TTLL6: variants seen among roughly 807,000 people sequenced by gnomAD.
TTLL6 encodes tubulin tyrosine ligase like 6.
TTLL6 carries 75 observed loss-of-function variants against 96.4 expected under a neutral mutation model. The observed-to-expected ratio is 0.78, with a 90% confidence interval of 0.65 to 0.94. TTLL6 has a LOEUF of 0.94. Among genes scored for constraint, TTLL6 ranks in the 40% least tolerant of loss-of-function variants. TTLL6 has a pLI of 0.00. For synonymous variants in TTLL6, 411 were observed against 419.4 expected, an observed-to-expected ratio of 0.98 and a Z score of 0.24; for missense variants, 1,030 against 1,093.0, an observed-to-expected ratio of 0.94 and a Z score of 0.81.
intron 7 of TTLL6, among the ~76,000 whole-genome samples, chr17:48,796,732 C>T (rs1173129113): frequency 6.6e-6 from 1 of 152,088 alleles, no homozygotes; most frequent in East Asian, 1.9e-4. Flanking sequence ...GGTTGCTCAT[C>T]CACGGCCTTT....
intron 12 of TTLL6, 84 bp from the exon 13 acceptor site, chr17:48,785,285 G>A (rs2039068813): frequency 1.3e-6 from 2 of 1,574,966 alleles, no homozygotes; most frequent in African/African-American, 1.4e-5. Flanking sequence ...AGGGGTAGGT[G>A]AAAAAGAGAT....
At chr17:48,799,562 G>T (rs1409607860) in intron 6 of TTLL6, 42 bp downstream of exon 6, 1 of 1,538,152 alleles carries the variant, frequency 6.5e-7, no homozygotes, top group South Asian at 1.2e-5. Context: ...AAAGTCCGCG[G>T]TTGCTGTGGG....
At chr17:48,804,628 T>C (rs1597999501) in intron 2 of TTLL6, 144 bp downstream of exon 2, 1 of 714,350 alleles carries the variant, frequency 1.4e-6, no homozygotes, top group East Asian at 2.7e-5. Flanking sequence ...ATTCTTTTTA[T>C]ATGAACCAAA....
chr17:48,797,617 T>A (rs2039339805), intron 6 of TTLL6, among the ~76,000 whole-genome samples: 1 of 151,856 alleles, frequency 6.6e-6, no homozygotes, highest in African/African-American at 2.4e-5. Context: ...CAAAACCCCG[T>A]CTGTACTAAA....
At chr17:48,787,120 C>T (rs1186407501) in intron 11 of TTLL6, among the ~76,000 whole-genome samples, 3 of 152,032 alleles carry the variant, frequency 2.0e-5, no homozygotes, top group Admixed American at 6.6e-5. Context: ...TGAGCCACCG[C>T]GCCTGGCCTG....
At chr17:48,767,594 T>C (rs2038641076) in intron 15 of TTLL6, among the ~76,000 whole-genome samples, 1 of 152,164 alleles carries the variant, frequency 6.6e-6, no homozygotes, top group Non-Finnish European at 1.5e-5. Context: ...GGTCAGAGTA[T>C]CTGCTCACAG....
Position 48,789,746 on chromosome 17 carries a change from G to A in TTLL6, c.1400+185C>T, listed in dbSNP as rs535123047. On this transcript the variant is annotated intron_variant, in intron 10 of 15. Coordinates refer to ENST00000393382, the MANE Select transcript of TTLL6 (RefSeq NM_001130918.3). ...ATTTTTTTGTATTTTTAGTAGAGAC[G>A]GGGTTTCACCATGTTGGCCAGCCTG... 5.4e-4 allele frequency among the ~76,000 whole-genome samples: 82 copies of A among 152,080 alleles called. No individual in the cohort carries two copies. The South Asian group carries it at 0.015, about 28-fold the overall frequency.
Position 48,769,907 on chromosome 17 carries a change from A to G in TTLL6, c.2231T>C (p.Phe744Ser), listed in dbSNP as rs1597958321. ...GAAGCTCTTGGATTTTGTGGGCAGA[A>G]AAGATTTTAACATTTTCTTCTGGGT... The part of the protein sequence containing the change: ...HLTQKKMLKS[F>S]LPTKSKSFWE... Residue 744 changes from phenylalanine (F) to serine (S), a missense_variant, in exon 14 of 16, where the codon TTT becomes TCT. Coordinates refer to ENST00000393382, the MANE Select transcript of TTLL6 (RefSeq NM_001130918.3). 6.2e-7 allele frequency: 1 copy of G among 1,614,158 alleles called. No individual in the cohort carries two copies.
intron 13 of TTLL6, among the ~76,000 whole-genome samples, chr17:48,777,349 C>T (rs899764388): frequency 3.9e-5 from 6 of 152,152 alleles, no homozygotes; most frequent in Non-Finnish European, 7.3e-5. Flanking sequence ...AATCCCAGCA[C>T]TTTGGGAGGC....
intron 10 of TTLL6, among the ~76,000 whole-genome samples, chr17:48,788,781 C>T (rs2039159221): frequency 6.6e-6 from 1 of 152,122 alleles, no homozygotes; most frequent in Non-Finnish European, 1.5e-5. Flanking sequence ...AGCACTCCAC[C>T]CTACCTACCT....
chr17:48,777,962 C>A (rs2038910771), intron 13 of TTLL6, among the ~76,000 whole-genome samples: 1 of 151,488 alleles, frequency 6.6e-6, no homozygotes, highest in African/African-American at 2.4e-5. Flanking sequence ...ACATGAAAAT[C>A]TCTTAGATAG....
At position 48,791,468 on chromosome 17, in the gene TTLL6, G is replaced by A. The variant is rs776138560; in HGVS notation, c.1134C>T (p.Cys378=). The A allele has an allele frequency of 1.2e-6, 2 of 1,614,220 alleles. No individual in the cohort carries two copies. The change falls in exon 9 of 16, where the codon TGC becomes TGT. Residue 378 remains cysteine (C), a synonymous_variant. Coordinates refer to ENST00000393382, the MANE Select transcript of TTLL6 (RefSeq NM_001130918.3). The stretch of plus-strand genomic sequence containing the variant: ...CGCTGTTGAGTGTGTGGTTGGGGAA[G>A]CAGGTGTGGTAGTTATGCCTGATGA... ...HPIIRHNYHT[C]FPNHTLNSAC... is the part of the protein sequence containing the mutation.
At chr17:48,784,723 G>A (rs10468570) in intron 13 of TTLL6, among the ~76,000 whole-genome samples, 200 bp downstream of exon 13, 46,361 of 152,012 alleles carry the variant, frequency 0.3, 7,319 homozygotes, top group Admixed American at 0.41. Context: ...CTCCCAAGAG[G>A]GGACGCACAA....
At chr17:48,796,963 ACACT>A (rs1042563619) in intron 7 of TTLL6, 94 bp downstream of exon 7, 35 of 1,336,772 alleles carry the variant, frequency 2.6e-5, no homozygotes, top group African/African-American at 1.2e-4. Context: ...TCAACAAATG[ACACT>A]CACAATGTCT....
chr17:48,796,976 C>A, intron 7 of TTLL6, 85 bp downstream of exon 7: 1 of 1,410,116 alleles, frequency 7.1e-7, no homozygotes, highest in South Asian at 1.5e-5. Context: ...CTCACAATGT[C>A]TTGAGGATGT....
chr17:48,810,300 T>C (rs976277690), intron 1 of TTLL6, among the ~76,000 whole-genome samples: 2 of 152,164 alleles, frequency 1.3e-5, no homozygotes, highest in Admixed American at 1.3e-4. Context: ...CCTCGTATTC[T>C]AGGCTGCCTA....
rs2038699187 is a variant in TTLL6, at chr17:48,769,828, T to G, written c.2310A>C (p.Pro770=). 6.2e-7 allele frequency: 1 copy of G among 1,614,244 alleles called. No individual in the cohort carries two copies. The highest frequency in any genetic ancestry group is 1.3e-5 in the African/African-American group (1 of 75,078). The change falls in exon 14 of 16, where the codon CCA becomes CCC. Residue 770 remains proline (P), a synonymous_variant. Coordinates refer to ENST00000393382, the MANE Select transcript of TTLL6 (RefSeq NM_001130918.3). The part of the protein sequence containing the change: ...WTLLKSDMNK[P]HLISELLTKL... ...TGGTGAGTAGCTCGGATATCAAATGTGGCTTGTTCATGTCACTCTTTAGCA... is the reference window on the plus strand; with the variant it reads ...TGGTGAGTAGCTCGGATATCAAATGGGGCTTGTTCATGTCACTCTTTAGCA...
In TTLL6 at chr17:48,769,064, C is replaced by T. The variant is rs199912919; in HGVS notation, c.2601G>A (p.Arg867=). Residue 867 remains arginine, a synonymous_variant, in exon 15 of 16, where the codon AGG becomes AGA. Coordinates refer to ENST00000393382, the MANE Select transcript of TTLL6 (RefSeq NM_001130918.3). ...RPCRSHASAM[R]DPCMQDQEAY... ...CTTCTTGATCCTGCATACATGGGTC[C>T]CTCATAGCACTTGCGTGGCTTCTAC... 8.9e-5 allele frequency: 144 copies of T among 1,614,048 alleles called. No individual in the cohort carries two copies. Among genetic ancestry groups the T allele is most frequent in the Non-Finnish European group, 1.2e-4 (136 of 1,180,034 alleles).
At position 48,817,186 on chromosome 17, in the gene TTLL6, G is replaced by T; in HGVS notation, c.-114C>A. On this transcript the variant is annotated 5_prime_UTR_variant, in exon 1 of 16. Coordinates refer to ENST00000393382, the MANE Select transcript of TTLL6 (RefSeq NM_001130918.3). ...CCTTCGATTGGCCCCTGCAGTAGCT[G>T]CCATGCCCCCTCCCTCCCGAATCCA... 1 of 639,782 alleles carries T rather than the reference G, an allele frequency of 1.6e-6. No homozygotes were observed. 39.6% of individuals were successfully genotyped at this position (639,782 alleles called of 1,614,324 possible). A position where few individuals can be genotyped will look rare whatever the true frequency, so the allele number is the denominator to read the frequency against.
Sources: allele counts gnomAD v4.1 joint callset (sites outside exome capture counted in the v4.1 genomes callset), GRCh38; gene constraint gnomAD v4.1.1; transcripts MANE v1.5; gene names NCBI Gene and HGNC (gene_info 2026-07-23, HGNC 2026-07-21).